Variants in SLC16A9 observed in about 807,000 individuals in gnomAD.
SLC16A9 encodes the protein monocarboxylate transporter 9.
In SLC16A9, 26 loss-of-function variants were observed where a neutral mutation model predicts 44.3. That is an observed-to-expected ratio of 0.59 (90% CI 0.43 to 0.81). The LOEUF is 0.81. SLC16A9 is among the 40% of genes least tolerant of loss of function. SLC16A9 has a pLI of 0.00. For missense variants in SLC16A9, 559 were observed against 595.8 expected (o/e 0.94, Z 0.64); for synonymous variants, 230 against 225.1 (o/e 1.02, Z -0.19).
At chr10:59,684,906 G>A (rs1448753465) in intron 1 of SLC16A9, among the ~76,000 whole-genome samples, 1 of 152,168 alleles carries the variant, frequency 6.6e-6, no homozygotes, top group African/African-American at 2.4e-5. Context: ...AGGAATGGGT[G>A]GTGATCTGAG....
intron 2 of SLC16A9, among the ~76,000 whole-genome samples, chr10:59,682,877 A>T (rs1588982857): frequency 6.6e-6 from 1 of 150,706 alleles, no homozygotes; most frequent in South Asian, 2.1e-4. Context: ...TAATGGCTAT[A>T]TTATTTTTTT....
chr10:59,656,206 G>C (rs558157608), intron 4 of SLC16A9, among the ~76,000 whole-genome samples: 1 of 152,252 alleles, frequency 6.6e-6, no homozygotes, highest in Admixed American at 6.5e-5. Flanking sequence ...TACTGTAAAA[G>C]TTAAAAACGC....
rs1406293966 is a variant in SLC16A9 at position 59,675,141 on chromosome 10, CA to C, written c.197-2229del. Among the ~76,000 whole-genome samples the C allele has an allele frequency of 2.6e-5, 4 of 152,150 alleles. No individual in the cohort carries two copies. The East Asian group carries it at 7.7e-4, about 29-fold the overall frequency. Reference sequence around the variant, plus strand: ...ATATCATTAGGTCAGAGATTAAAGACAAAAAATTTTAGAGCTGAAATTTTGG... The same window carrying C: ...ATATCATTAGGTCAGAGATTAAAGACAAAAATTTTAGAGCTGAAATTTTGG... On this transcript the variant is annotated intron_variant, in intron 2 of 5. Coordinates refer to ENST00000395348, the MANE Select transcript of SLC16A9 (RefSeq NM_194298.3).
At chr10:59,696,247 G>A (rs1472423315) in intron 1 of SLC16A9, among the ~76,000 whole-genome samples, 1 of 152,228 alleles carries the variant, frequency 6.6e-6, no homozygotes, top group African/African-American at 2.4e-5. Context: ...GCGATTGTAG[G>A]CGCGGGCCCC....
intron 1 of SLC16A9, among the ~76,000 whole-genome samples, chr10:59,702,290 A>G (rs900449376): frequency 6.6e-6 from 1 of 152,138 alleles, no homozygotes; most frequent in Non-Finnish European, 1.5e-5. Context: ...TTAAAATCCA[A>G]ATCTTTTACC....
In SLC16A9 at chr10:59,707,851, T is replaced by A. The variant is rs16913998; in HGVS notation, c.-37+1628A>T. Among the ~76,000 whole-genome samples the A allele has an allele frequency of 1.9e-3, 282 of 152,306 alleles. 9 individuals carry two copies. In the East Asian group the frequency reaches 0.048, roughly 26 times the overall value. ...ATCCACCCCAGACCACCATAATGTG[T>A]CCTGATAAAGATTCAGACACCAACC... On this transcript the variant is annotated intron_variant, in intron 1 of 5. Coordinates refer to ENST00000395348, the MANE Select transcript of SLC16A9 (RefSeq NM_194298.3).
At chr10:59,664,451 T>C (rs1839561787) in intron 3 of SLC16A9, 129 bp from the exon 4 acceptor site, 1 of 507,408 alleles carries the variant, frequency 2.0e-6, no homozygotes, top group African/African-American at 2.0e-5. Flanking sequence ...AAGTACAGAC[T>C]CCTAGATTCC....
intron 1 of SLC16A9, among the ~76,000 whole-genome samples, chr10:59,694,804 A>ATATATG (rs1840333625): frequency 6.9e-5 from 2 of 29,048 alleles, no homozygotes; most frequent in Non-Finnish European, 2.0e-4. Flanking sequence ...CATCTCAAAT[A>ATATATG]TATATATATA....
At chr10:59,706,650 C>CACACACACACACACACAT (rs1426503455) in intron 1 of SLC16A9, among the ~76,000 whole-genome samples, 29 of 152,082 alleles carry the variant, frequency 1.9e-4, no homozygotes, top group African/African-American at 6.8e-4. Flanking sequence ...CACACACACA[C>CACACACACACACACACAT]ACAATAGGAG....
chr10:59,665,925 A>G (rs1839605033), intron 3 of SLC16A9, among the ~76,000 whole-genome samples: 1 of 152,230 alleles, frequency 6.6e-6, no homozygotes, highest in African/African-American at 2.4e-5. Flanking sequence ...TAAAGGCCTT[A>G]GGGTTCAGAT....
rs1364854208 is a variant in SLC16A9, at chr10:59,651,739, CCATGCAGACT to C, written c.*1023_*1032del. On this transcript the variant is annotated 3_prime_UTR_variant, in exon 6 of 6. Coordinates refer to ENST00000395348, the MANE Select transcript of SLC16A9 (RefSeq NM_194298.3). ...TATTGCCCTTTTCCATTCCCATATC[CCATGCAGACT>C]TAGAGCATGCATAGCACACACACAC... The C allele has an allele frequency of 1.3e-5, 2 of 149,250 alleles. No homozygotes were observed. Among genetic ancestry groups the C allele is most frequent in the African/African-American group, 2.5e-5 (1 of 40,698 alleles). The allele number at this position is 149,250 out of a possible 1,614,324, so 9.2% of individuals were successfully genotyped here. A position where few individuals can be genotyped will look rare whatever the true frequency, so the allele number is the denominator to read the frequency against.
At chr10:59,691,506 G>A (rs34794880) in intron 1 of SLC16A9, among the ~76,000 whole-genome samples, 42,337 of 152,054 alleles carry the variant, frequency 0.28, 7,347 homozygotes, top group Middle Eastern at 0.41. Context: ...TGTATTATGA[G>A]CCTCCCTTGG....
chr10:59,667,238 G>T (rs1456646527), intron 3 of SLC16A9, among the ~76,000 whole-genome samples: 4 of 152,064 alleles, frequency 2.6e-5, no homozygotes, highest in Non-Finnish European at 5.9e-5. Flanking sequence ...TTCGGTAGAG[G>T]AATATCTATA....
At chr10:59,694,835 T>C (rs933139397) in intron 1 of SLC16A9, among the ~76,000 whole-genome samples, 1 of 130,978 alleles carries the variant, frequency 7.6e-6, no homozygotes, top group Non-Finnish European at 1.7e-5. Context: ...CACACACACA[T>C]ATATATACAC....
At chr10:59,657,855 C>G (rs1380667075) in intron 4 of SLC16A9, among the ~76,000 whole-genome samples, 1 of 152,184 alleles carries the variant, frequency 6.6e-6, no homozygotes, top group Non-Finnish European at 1.5e-5. Context: ...GATGGACCCT[C>G]CCCTTGGCCA....
At chr10:59,701,723 C>G (rs1840527464) in intron 1 of SLC16A9, among the ~76,000 whole-genome samples, 1 of 152,116 alleles carries the variant, frequency 6.6e-6, no homozygotes, top group Non-Finnish European at 1.5e-5. Flanking sequence ...AATCTGTGCC[C>G]CCCAACCCAC....
chr10:59,676,472 T>A (rs1477642537), intron 2 of SLC16A9, among the ~76,000 whole-genome samples: 3 of 152,020 alleles, frequency 2.0e-5, no homozygotes, highest in Non-Finnish European at 4.4e-5. Context: ...CAATGCAAAG[T>A]GAAAACTCTG....
At chr10:59,691,682 G>A (rs16913982) in intron 1 of SLC16A9, among the ~76,000 whole-genome samples, 9,219 of 152,134 alleles carry the variant, frequency 0.061, 374 homozygotes, top group African/African-American at 0.1. Flanking sequence ...TTCGGGAAAC[G>A]AAAAAGACTA....
At chr10:59,678,960 C>T (rs1470542466) in intron 2 of SLC16A9, among the ~76,000 whole-genome samples, 1 of 152,116 alleles carries the variant, frequency 6.6e-6, no homozygotes, top group Admixed American at 6.5e-5. Context: ...AATGCCCAAA[C>T]CCAGCTCTGC....
Sources: gnomAD v4.1 joint callset for allele counts (sites outside exome capture counted in the v4.1 genomes callset) on GRCh38, gnomAD v4.1.1 for gene constraint, MANE v1.5 for transcripts, NCBI Gene and HGNC (gene_info 2026-07-23, HGNC 2026-07-21) for gene names.